The following KCNMA1 variants were observed in gnomAD, a reference collection of about 807,000 sequenced individuals.
KCNMA1 encodes Calcium-activated potassium channel subunit alpha-1.
In KCNMA1, 29 loss-of-function variants were observed where a neutral mutation model predicts 140.0. The observed-to-expected ratio is 0.21, with a 90% CI of 0.15 to 0.28. The LOEUF (loss-of-function observed/expected upper bound fraction) is 0.28. KCNMA1 is among the 10% of genes least tolerant of loss of function. KCNMA1 has a pLI of 1.00. For missense variants in KCNMA1, 880 were observed against 1,602.2 expected (o/e 0.55, Z 7.70); for synonymous variants, 612 against 611.9 (o/e 1.00, Z 0.00).
chr10:77,578,586 A>G (rs2074966596), intron 1 of KCNMA1, among the ~76,000 whole-genome samples: 1 of 152,220 alleles, frequency 6.6e-6, no homozygotes, highest in African/African-American at 2.4e-5. Context: ...AGCCTGGAAG[A>G]AGAGAAGTGA....
At chr10:77,442,476 G>A (rs1450927489) in intron 1 of KCNMA1, among the ~76,000 whole-genome samples, 1 of 152,126 alleles carries the variant, frequency 6.6e-6, no homozygotes, top group South Asian at 2.1e-4. Flanking sequence ...GAAGTCAGAT[G>A]AGCCTGGCTT....
At chr10:77,112,297 G>A in intron 7 of KCNMA1, 70 bp downstream of exon 7, 2 of 1,067,218 alleles carry the variant, frequency 1.9e-6, no homozygotes, top group South Asian at 1.3e-5. Flanking sequence ...TAAATTTTAG[G>A]TAATAAAATG....
chr10:77,206,483 G>A (rs1018815393), intron 3 of KCNMA1, among the ~76,000 whole-genome samples: 1 of 152,252 alleles, frequency 6.6e-6, no homozygotes, highest in Non-Finnish European at 1.5e-5. Context: ...GTAAAGTCAT[G>A]CGCCAAACTT....
intron 2 of KCNMA1, among the ~76,000 whole-genome samples, chr10:77,390,274 A>G (rs1213333116): frequency 6.6e-6 from 1 of 152,232 alleles, no homozygotes; most frequent in South Asian, 2.1e-4. Flanking sequence ...TGCTGATTGC[A>G]GCTCCTCAGA....
intron 18 of KCNMA1, among the ~76,000 whole-genome samples, chr10:77,004,268 G>A (rs991397092): frequency 1.2e-4 from 17 of 145,876 alleles, no homozygotes; most frequent in African/African-American, 4.1e-4. Context: ...CAGCAAGAAC[G>A]ATCAATGAGA....
intron 3 of KCNMA1, among the ~76,000 whole-genome samples, chr10:77,231,819 T>C (rs948328524): frequency 4.6e-5 from 7 of 152,338 alleles, no homozygotes; most frequent in African/African-American, 1.7e-4. Context: ...AATGGCTTTA[T>C]TGAGTTCTAG....
intron 1 of KCNMA1, among the ~76,000 whole-genome samples, chr10:77,550,759 C>A (rs1214192871): frequency 6.6e-6 from 1 of 152,150 alleles, no homozygotes; most frequent in Non-Finnish European, 1.5e-5. Context: ...ATTGTTAGGT[C>A]CATGAAGGCA....
chr10:77,035,388 T>C (rs2094252830), intron 15 of KCNMA1, among the ~76,000 whole-genome samples: 1 of 152,212 alleles, frequency 6.6e-6, no homozygotes, highest in Non-Finnish European at 1.5e-5. Context: ...ATTCCAGCTG[T>C]GTGCATCTAC....
At chr10:77,043,860 C>A (rs1475381713) in intron 14 of KCNMA1, among the ~76,000 whole-genome samples, 2 of 152,104 alleles carry the variant, frequency 1.3e-5, no homozygotes, top group Non-Finnish European at 2.9e-5. Flanking sequence ...GAGGAGTCAT[C>A]GTTTAACTGA....
chr10:77,462,781 A>C (rs16934828), intron 1 of KCNMA1, among the ~76,000 whole-genome samples: 7,960 of 152,230 alleles, frequency 0.052, 501 homozygotes, highest in African/African-American at 0.15. Context: ...AAGTCGTCTC[A>C]TGCCTGGGCC....
At chr10:76,941,714 A>G (rs2062481281) in intron 23 of KCNMA1, among the ~76,000 whole-genome samples, 1 of 152,174 alleles carries the variant, frequency 6.6e-6, no homozygotes, top group African/African-American at 2.4e-5. Context: ...ATCACTGCTG[A>G]GCATAGAAAC....
chr10:77,200,033 C>T (rs551043889), intron 3 of KCNMA1, among the ~76,000 whole-genome samples: 1 of 152,304 alleles, frequency 6.6e-6, no homozygotes, highest in South Asian at 2.1e-4. Flanking sequence ...TCTCTGCAAC[C>T]TCTGCCTCCC....
intron 14 of KCNMA1, among the ~76,000 whole-genome samples, chr10:77,068,789 A>G (rs1300153253): frequency 1.4e-5 from 2 of 142,234 alleles, no homozygotes; most frequent in Non-Finnish European, 3.0e-5. Context: ...AACTATTTAA[A>G]TGTGCTACAT....
At chr10:77,320,398 T>G (rs1455486993) in intron 2 of KCNMA1, among the ~76,000 whole-genome samples, 4 of 152,124 alleles carry the variant, frequency 2.6e-5, no homozygotes, top group Non-Finnish European at 5.9e-5. Context: ...AAGGGGCTAC[T>G]CCCCTAAGAA....
At chr10:77,611,162 C>T (rs1162948285) in intron 1 of KCNMA1, among the ~76,000 whole-genome samples, 2 of 152,224 alleles carry the variant, frequency 1.3e-5, no homozygotes, top group African/African-American at 4.8e-5. Context: ...TCCTTGCAGA[C>T]CTTGTTTTCC....
chr10:77,085,984 A>G (rs925907931), intron 11 of KCNMA1, among the ~76,000 whole-genome samples: 1 of 152,152 alleles, frequency 6.6e-6, no homozygotes, highest in Non-Finnish European at 1.5e-5. Flanking sequence ...AGATAACTGC[A>G]TGTTTAGTTT....
At chr10:77,121,148 G>T in intron 5 of KCNMA1, 100 bp from the exon 6 acceptor site, 1 of 782,248 alleles carries the variant, frequency 1.3e-6, no homozygotes, top group Non-Finnish European at 2.2e-6. Context: ...TCGAAGGGAT[G>T]GGAAGTTCTT....
intron 5 of KCNMA1, among the ~76,000 whole-genome samples, chr10:77,135,839 C>G (rs2098007379): frequency 6.6e-6 from 1 of 151,898 alleles, no homozygotes; most frequent in African/African-American, 2.4e-5. Context: ...AGATGTTGGT[C>G]AAAGGATACA....
chr10:77,415,828 G>A (rs1282636396), intron 1 of KCNMA1, among the ~76,000 whole-genome samples: 1 of 152,202 alleles, frequency 6.6e-6, no homozygotes, highest in African/African-American at 2.4e-5. Flanking sequence ...TCAGTACAGC[G>A]CACTGTGTGT....
Sources: gnomAD v4.1 joint callset for allele counts (sites outside exome capture counted in the v4.1 genomes callset) on GRCh38, gnomAD v4.1.1 for gene constraint, MANE v1.5 for transcripts, NCBI Gene and HGNC (gene_info 2026-07-23, HGNC 2026-07-21) for gene names.